SYT1: variants seen among roughly 807,000 people sequenced by gnomAD.
SYT1 encodes the protein synaptotagmin 1, also known as synaptotagmin-1.
SYT1 carries 8 observed loss-of-function variants against 44.8 expected under a neutral mutation model. The observed-to-expected ratio is 0.18, with a 90% CI of 0.10 to 0.32. The LOEUF is 0.32. SYT1 is among the 10% of genes least tolerant of loss of function. The probability of loss-of-function intolerance (pLI) is 1.00; values close to 1 mark genes in which losing one functional copy is unlikely to be tolerated. For synonymous variants in SYT1, 154 were observed against 188.8 expected, an observed-to-expected ratio of 0.82 and a Z score of 1.51; for missense variants, 286 against 509.3, an observed-to-expected ratio of 0.56 and a Z score of 4.22.
intron 9 of SYT1, among the ~76,000 whole-genome samples, chr12:79,382,011 G>A (rs1884242775): frequency 6.6e-6 from 1 of 152,160 alleles, no homozygotes; most frequent in South Asian, 2.1e-4. Flanking sequence ...TTTATTGCCT[G>A]CTGATGAGAC....
chr12:78,963,621 C>T (rs982440106), intron 1 of SYT1, among the ~76,000 whole-genome samples: 2 of 152,034 alleles, frequency 1.3e-5, no homozygotes, highest in African/African-American at 4.8e-5. Flanking sequence ...GATATCACCT[C>T]ACACCTGTTA....
intron 3 of SYT1, among the ~76,000 whole-genome samples, chr12:79,109,168 CT>C (rs1168326833): frequency 6.6e-6 from 1 of 152,174 alleles, no homozygotes. Flanking sequence ...ACAGCACAAA[CT>C]TTTATGGCTC....
At chr12:78,973,931 A>T (rs1592621313) in intron 1 of SYT1, among the ~76,000 whole-genome samples, 1 of 32,996 alleles carries the variant, frequency 3.0e-5, no homozygotes, top group African/African-American at 1.3e-4. Context: ...AAAAAAAAAA[A>T]AAAAAAAATA....
intron 9 of SYT1, among the ~76,000 whole-genome samples, chr12:79,374,874 G>A (rs1414853845): frequency 6.6e-6 from 1 of 152,162 alleles, no homozygotes; most frequent in African/African-American, 2.4e-5. Flanking sequence ...AATACTGTGT[G>A]ATTTAGATTA....
intron 3 of SYT1, among the ~76,000 whole-genome samples, chr12:79,185,884 T>C (rs1375211851): frequency 6.6e-6 from 1 of 151,784 alleles, no homozygotes; most frequent in East Asian, 1.9e-4. Flanking sequence ...ATCTTCAACA[T>C]TTTTGGCCAA....
At chr12:79,348,918 A>G (rs1882723920) in intron 8 of SYT1, among the ~76,000 whole-genome samples, 1 of 150,886 alleles carries the variant, frequency 6.6e-6, no homozygotes, top group East Asian at 1.9e-4. Flanking sequence ...AAAGGAAGAA[A>G]GGAAAAAAGA....
intron 4 of SYT1, among the ~76,000 whole-genome samples, chr12:79,279,670 T>A: frequency 6.6e-6 from 1 of 151,824 alleles, no homozygotes; most frequent in East Asian, 1.9e-4. Flanking sequence ...TCAGGCAAAA[T>A]AAAGAAATAA....
chr12:79,166,468 G>A (rs987968458), intron 3 of SYT1, among the ~76,000 whole-genome samples: 9 of 151,890 alleles, frequency 5.9e-5, no homozygotes, highest in African/African-American at 1.7e-4. Flanking sequence ...CAGAGACTAG[G>A]AGACAAAGGT....
rs1284221451 is a variant in SYT1, at chr12:78,925,132, T to A, written c.-216-52667T>A. Among the ~76,000 whole-genome samples the A allele has an allele frequency of 1.3e-5, 2 of 151,990 alleles. 1 individual carries two copies. Among genetic ancestry groups the A allele is most frequent in the African/African-American group, 4.8e-5 (2 of 41,444 alleles). Reference sequence around the variant, plus strand: ...TATCTAGCTATCCATCTTAAAACTCTTAAATTCAAACTGACGCCTCCAAAA... The same window carrying A: ...TATCTAGCTATCCATCTTAAAACTCATAAATTCAAACTGACGCCTCCAAAA... On this transcript the variant is annotated intron_variant, in intron 1 of 10. Coordinates refer to ENST00000261205, the MANE Select transcript of SYT1 (RefSeq NM_005639.3).
intron 4 of SYT1, among the ~76,000 whole-genome samples, chr12:79,276,956 GAGGAGGAGGAGGAGGAA>G (rs1281702922): frequency 1.3e-4 from 19 of 147,450 alleles, no homozygotes; most frequent in African/African-American, 4.5e-4. Context: ...AAGGAAGAAG[GAGGAGGAGGAGGAGGAA>G]GAGGAGGAGG....
At chr12:78,894,825 A>G (rs1875265437) in intron 1 of SYT1, among the ~76,000 whole-genome samples, 2 of 151,314 alleles carry the variant, frequency 1.3e-5, no homozygotes, top group Non-Finnish European at 1.5e-5. Flanking sequence ...CAAGAAGAGT[A>G]AGTTTAAGAG....
chr12:78,987,333 C>T (rs1415996392), intron 2 of SYT1, among the ~76,000 whole-genome samples: 1 of 151,994 alleles, frequency 6.6e-6, no homozygotes, highest in Admixed American at 6.6e-5. Context: ...AGATACATCT[C>T]TCATAAAGGA....
intron 2 of SYT1, chr12:79,036,508 A>C (rs1257601991): frequency 6.6e-6 from 1 of 151,752 alleles, no homozygotes; most frequent in Non-Finnish European, 1.5e-5. Flanking sequence ...TCTTTTGAAC[A>C]CTCTTCATAT....
chr12:78,895,404 G>A (rs1411238262), intron 1 of SYT1, among the ~76,000 whole-genome samples: 1 of 151,616 alleles, frequency 6.6e-6, no homozygotes, highest in Non-Finnish European at 1.5e-5. Flanking sequence ...TGAAGACTAA[G>A]CATTTGTTTG....
intron 8 of SYT1, among the ~76,000 whole-genome samples, chr12:79,314,763 A>G (rs1018233189): frequency 6.6e-6 from 1 of 152,212 alleles, no homozygotes; most frequent in Admixed American, 6.5e-5. Context: ...AAAAAAATGT[A>G]CAACAACAGT....
intron 3 of SYT1, among the ~76,000 whole-genome samples, chr12:79,132,334 A>C (rs1473606695): frequency 1.3e-5 from 2 of 151,942 alleles, no homozygotes; most frequent in Non-Finnish European, 2.9e-5. Flanking sequence ...CTGTCGTCCC[A>C]GCTACTCAGG....
At chr12:79,023,305 A>G (rs1013924319) in intron 2 of SYT1, among the ~76,000 whole-genome samples, 9 of 151,854 alleles carry the variant, frequency 5.9e-5, no homozygotes, top group Admixed American at 5.9e-4. Flanking sequence ...CTGAATCTTC[A>G]TAGAGGAGGG....
intron 1 of SYT1, among the ~76,000 whole-genome samples, chr12:78,879,071 A>C (rs1298749754): frequency 1.3e-5 from 2 of 151,820 alleles, no homozygotes; most frequent in East Asian, 3.9e-4. Context: ...GGATATAGGA[A>C]GTATAACACA....
intron 4 of SYT1, among the ~76,000 whole-genome samples, chr12:79,224,617 A>C (rs1191527209): frequency 6.6e-6 from 1 of 152,134 alleles, no homozygotes; most frequent in East Asian, 1.9e-4. Flanking sequence ...AAGCCATGTC[A>C]TGTGGGGCCT....
Sources: gnomAD v4.1 joint callset for allele counts (sites outside exome capture counted in the v4.1 genomes callset) on GRCh38, gnomAD v4.1.1 for gene constraint, MANE v1.5 for transcripts, NCBI Gene and HGNC (gene_info 2026-07-23, HGNC 2026-07-21) for gene names.